The following CMIP variants were observed in gnomAD, a reference collection of about 807,000 sequenced individuals.
The protein encoded by CMIP is C-Maf-inducing protein.
Under a neutral mutation model 97.3 loss-of-function variants are expected in CMIP, and 13 were observed. The ratio of observed to expected loss-of-function variants is 0.13; its 90% CI spans 0.09 to 0.21. The LOEUF is 0.21. Among genes scored for constraint, CMIP ranks in the 10% least tolerant of loss-of-function variants. CMIP has a pLI of 1.00. For synonymous variants in CMIP, 538 were observed against 436.3 expected (o/e 1.23, Z -2.91); for missense variants, 847 against 1,024.9 (o/e 0.83, Z 2.37).
chr16:81,507,735 C>G (rs60403449), intron 1 of CMIP, among the ~76,000 whole-genome samples: 2,058 of 152,238 alleles, frequency 0.014, 59 homozygotes, highest in African/African-American at 0.047. Context: ...TAAGATTAAC[C>G]AGGAGACCTG....
chr16:81,610,558 C>T (rs1470336316), intron 2 of CMIP: 1 of 984,530 alleles, frequency 1.0e-6, no homozygotes, highest in Non-Finnish European at 1.2e-6. Flanking sequence ...CAGCCCCTGC[C>T]CCTGGCGGCT....
intron 13 of CMIP, chr16:81,696,278 C>A (rs987115025): frequency 1.9e-6 from 1 of 520,408 alleles, no homozygotes; most frequent in Non-Finnish European, 3.5e-6. Context: ...GCCACAGGCC[C>A]GCTTCATTCA....
At chr16:81,667,795 A>AGTGT (rs1201342935) in intron 7 of CMIP, among the ~76,000 whole-genome samples, 174 of 68,040 alleles carry the variant, frequency 2.6e-3, no homozygotes, top group Middle Eastern at 6.4e-3. Context: ...AGAGAGAGAG[A>AGTGT]GAGAGTGTGT....
At chr16:81,478,570 G>A (rs938344559) in intron 1 of CMIP, among the ~76,000 whole-genome samples, 3 of 152,150 alleles carry the variant, frequency 2.0e-5, no homozygotes, top group African/African-American at 7.2e-5. Flanking sequence ...ATCTCATGCA[G>A]GGATGGTGAA....
intron 1 of CMIP, among the ~76,000 whole-genome samples, chr16:81,489,575 A>G (rs1353300912): frequency 6.6e-6 from 1 of 152,206 alleles, no homozygotes; most frequent in African/African-American, 2.4e-5. Flanking sequence ...TTCAGAGTGC[A>G]GGAACCCAGC....
At chr16:81,454,593 C>G (rs187223465) in intron 1 of CMIP, among the ~76,000 whole-genome samples, 1 of 152,216 alleles carries the variant, frequency 6.6e-6, no homozygotes, top group Non-Finnish European at 1.5e-5. Flanking sequence ...AACTTGAACA[C>G]CATATATTAT....
intron 1 of CMIP, among the ~76,000 whole-genome samples, chr16:81,446,662 T>A (rs1418316832): frequency 6.6e-6 from 1 of 152,108 alleles, no homozygotes; most frequent in East Asian, 1.9e-4. Context: ...CCCACACCTG[T>A]GCCAAGAAAA....
At chr16:81,612,723 C>G (rs1339653420) in intron 2 of CMIP, among the ~76,000 whole-genome samples, 1 of 152,166 alleles carries the variant, frequency 6.6e-6, no homozygotes, top group Non-Finnish European at 1.5e-5. Context: ...GATTTAACAC[C>G]AGAAGTCGGA....
intron 1 of CMIP, among the ~76,000 whole-genome samples, chr16:81,541,982 A>G (rs2090457712): frequency 6.6e-6 from 1 of 152,224 alleles, no homozygotes; most frequent in Non-Finnish European, 1.5e-5. Flanking sequence ...CCACTCAGTC[A>G]CTGGTTCTAA....
chr16:81,664,437 T>G, intron 7 of CMIP, 88 bp downstream of exon 7: 1 of 1,306,702 alleles, frequency 7.7e-7, no homozygotes, highest in Admixed American at 2.1e-5. Flanking sequence ...TGGCACAGAT[T>G]TGGGGAATGT....
chr16:81,699,865 G>C, intron 15 of CMIP, 64 bp downstream of exon 15: 1 of 1,156,896 alleles, frequency 8.6e-7, no homozygotes, highest in Non-Finnish European at 1.3e-6. Flanking sequence ...CGTGCCGATA[G>C]AGCATCTGCT....
chr16:81,607,589 C>T lies in CMIP; in HGVS notation c.323C>T (p.Ser108Leu). Residue 108 changes from serine (S) to leucine (L), a missense_variant, in exon 2 of 21, where the codon TCA (serine) becomes TTA (leucine). Physicochemically the swap from Ser to Leu is moderately radical, Grantham distance 145. This residue lies in a region of CMIP where 285 missense variants were observed against 392.2 expected (regional missense o/e 0.73). Coordinates refer to ENST00000537098, the MANE Select transcript of CMIP (RefSeq NM_198390.3). Reference sequence around the variant, plus strand: ...CAGCCAACTGGGTACATGGAAAACTCAGTCTCCTACAGCGCAATTGAAGAC... The same window carrying T: ...CAGCCAACTGGGTACATGGAAAACTTAGTCTCCTACAGCGCAATTGAAGAC... ...SATPTGYMEN[S>L]VSYSAIEDVQ... 1 of 1,613,958 alleles carries T rather than the reference C, an allele frequency of 6.2e-7. No homozygotes were observed. The highest frequency in any genetic ancestry group is 8.5e-7 in the Non-Finnish European group (1 of 1,179,888).
chr16:81,693,035 C>T (rs1414396041), intron 11 of CMIP, 123 bp from the exon 12 acceptor site: 3 of 718,164 alleles, frequency 4.2e-6, no homozygotes, highest in Middle Eastern at 2.7e-4. Context: ...ATTTCACTCA[C>T]ATTCCTCTTC....
At position 81,620,932 on chromosome 16, in the gene CMIP, T is replaced by A; in HGVS notation, c.477+6T>A. ...TCCATTCTCTGCAATGGAAGGTAAG[T>A]ACTGACTCGGTTGCTTGTTTAAAGC... On this transcript the variant is annotated splice_donor_region_variant and intron_variant, in intron 3 of 20. Coordinates refer to ENST00000537098, the MANE Select transcript of CMIP (RefSeq NM_198390.3). The A allele has an allele frequency of 6.2e-7, 1 of 1,613,884 alleles. No individual in the cohort carries two copies. Among genetic ancestry groups the A allele is most frequent in the African/African-American group, 1.3e-5 (1 of 75,052 alleles).
chr16:81,469,555 A>T (rs1220195557), intron 1 of CMIP, among the ~76,000 whole-genome samples: 1 of 152,090 alleles, frequency 6.6e-6, no homozygotes, highest in Non-Finnish European at 1.5e-5. Flanking sequence ...ATTACAGAGG[A>T]GGGGACCTGA....
At chr16:81,665,959 G>A (rs2092598710) in intron 7 of CMIP, 1 of 152,184 alleles carries the variant, frequency 6.6e-6, no homozygotes, top group Non-Finnish European at 1.5e-5. Flanking sequence ...AACTGTAAAT[G>A]AATTGTTGCT....
chr16:81,548,108 A>G (rs2090583683), intron 1 of CMIP, among the ~76,000 whole-genome samples: 1 of 149,662 alleles, frequency 6.7e-6, no homozygotes, highest in South Asian at 2.1e-4. Flanking sequence ...CCTCAGCTCT[A>G]CTGACATCTA....
In CMIP at chr16:81,505,532, G is replaced by A. The variant is rs1416420546; in HGVS notation, c.300+59991G>A. 4.6e-5 allele frequency among the ~76,000 whole-genome samples: 7 copies of A among 152,244 alleles called. No individual in the cohort carries two copies. The East Asian group carries it at 1.3e-3, about 29-fold the overall frequency. ...TTCTGGTCCCTCTTGGAGCTTTAGT[G>A]CTTTCTTAGTTTGGGAACTGAAAGC... On this transcript the variant is annotated intron_variant, in intron 1 of 20. Coordinates refer to ENST00000537098, the MANE Select transcript of CMIP (RefSeq NM_198390.3).
At chr16:81,662,651 G>A (rs182847938) in intron 6 of CMIP, among the ~76,000 whole-genome samples, 4 of 152,318 alleles carry the variant, frequency 2.6e-5, no homozygotes, top group African/African-American at 9.6e-5. Flanking sequence ...TTTCTCAGGG[G>A]AGCCCTGATT....
Sources: gnomAD v4.1 joint callset for allele counts (sites outside exome capture counted in the v4.1 genomes callset) on GRCh38, gnomAD v4.1.1 for gene constraint, gnomAD v4.1.1 regional missense constraint, MANE v1.5 for transcripts, NCBI Gene and HGNC (gene_info 2026-07-23, HGNC 2026-07-21) for gene names.